Variants in PIEZO2 observed in about 807,000 individuals in gnomAD.
PIEZO2 encodes the protein piezo type mechanosensitive ion channel component 2.
A neutral mutation model predicts 337.3 loss-of-function variants in PIEZO2; 172 were observed. That is an observed-to-expected ratio of 0.51 (90% confidence interval 0.45 to 0.58). The LOEUF is 0.58. PIEZO2 is among the 20% of genes least tolerant of loss of function. PIEZO2 has a pLI of 0.00. For missense variants in PIEZO2, 3,028 were observed against 3,391.3 expected (o/e 0.89, Z 2.66); for synonymous variants, 1,251 against 1,228.5 (o/e 1.02, Z -0.38).
intron 1 of PIEZO2, among the ~76,000 whole-genome samples, chr18:11,117,410 C>T (rs2146179165): frequency 6.6e-6 from 1 of 152,228 alleles, no homozygotes; most frequent in East Asian, 1.9e-4. Context: ...GCCTTTGGGA[C>T]CCTCAACATG....
chr18:10,901,278 A>G (rs76439699), intron 4 of PIEZO2, among the ~76,000 whole-genome samples: 1 of 152,274 alleles, frequency 6.6e-6, no homozygotes, highest in African/African-American at 2.4e-5. Flanking sequence ...AAATACTTCC[A>G]CCATCAGAGA....
chr18:10,725,093 A>G (rs2036478112), intron 36 of PIEZO2: 1 of 1,499,448 alleles, frequency 6.7e-7, no homozygotes, highest in Admixed American at 1.7e-5. Flanking sequence ...TTTCAGTCGC[A>G]TTACACCTAC....
rs1051933303 is a variant in PIEZO2, at chr18:11,080,616, C to T, written c.65-14394G>A. On this transcript the variant is annotated intron_variant, in intron 1 of 55. Transcript: ENST00000674853. This position sits in a 1 kb window ranked among gnomAD's most constrained non-coding sequence, Gnocchi z 5.4. ...ATCCCAGCACTTTGGGAGACCGAGG[C>T]GGGCAGATCATGAGGTCAGGAGATC... is the stretch of plus-strand genomic sequence containing the variant. Among the ~76,000 whole-genome samples the T allele has an allele frequency of 7.2e-5, 11 of 152,214 alleles. No homozygotes were observed. Among genetic ancestry groups the T allele is most frequent in the African/African-American group, 1.9e-4 (8 of 41,456 alleles).
Position 10,671,366 on chromosome 18 carries a change from G to A in PIEZO2, c.*161C>T. The A allele has an allele frequency of 2.9e-6, 2 of 700,088 alleles. No individual in the cohort carries two copies. The highest frequency in any genetic ancestry group is 5.8e-5 in the East Asian group (2 of 34,326). The allele number at this position is 700,088 out of a possible 1,614,324, so 43.4% of individuals were successfully genotyped here. A position where few individuals can be genotyped will look rare whatever the true frequency, so the allele number is the denominator to read the frequency against. ...TTTTCAACAGTGCCTTAACTTGCAA[G>A]GTAGCTTTTACTGCAGAAGGATATC... On this transcript the variant is annotated 3_prime_UTR_variant, in exon 56 of 56. Transcript: ENST00000674853.
chr18:10,752,694 T>C lies in PIEZO2; in HGVS notation c.4109A>G (p.Tyr1370Cys). 5 of 1,537,226 alleles carry C rather than the reference T, an allele frequency of 3.3e-6. No homozygotes were observed. The highest frequency in any genetic ancestry group is 3.5e-6 in the Non-Finnish European group (4 of 1,146,898). ...LLKPIKSILR[Y>C]WDWLIAYNVF... ...GTTGTATGCGATCAGCCAGTCCCAG[T>C]AGCGCAGGATGCTCTTGATGGGTTT... The change falls in exon 28 of 56, where the codon TAC (tyrosine) becomes TGC (cysteine). Residue 1370 changes from tyrosine (Y) to cysteine (C), a missense_variant. Physicochemically the swap from Tyr to Cys is radical, Grantham distance 194. Around this residue, in one of 5 missense-constraint regions of PIEZO2, gnomAD observed 1,925 missense variants for 2,051.9 expected, o/e 0.94. Transcript: ENST00000674853.
intron 3 of PIEZO2, among the ~76,000 whole-genome samples, chr18:10,956,610 T>C (rs775307439): frequency 1.2e-4 from 18 of 152,210 alleles, no homozygotes; most frequent in Non-Finnish European, 2.1e-4. Flanking sequence ...CCTGGAGGCA[T>C]CACATTCCTT....
At chr18:10,720,234 G>GAGTATATATATATATATATATATA in intron 36 of PIEZO2, among the ~76,000 whole-genome samples, 2 of 119,914 alleles carry the variant, frequency 1.7e-5, no homozygotes, top group African/African-American at 6.7e-5. Context: ...GTGTGTGTGT[G>GAGTATATATATATATATATATATA]TATATATATA....
chr18:10,747,905 T>C (rs920070886), intron 30 of PIEZO2, among the ~76,000 whole-genome samples: 1 of 152,280 alleles, frequency 6.6e-6, no homozygotes, highest in Admixed American at 6.5e-5. Flanking sequence ...GAGAGGAACA[T>C]ACACAGCAGC....
chr18:10,677,901 T>C lies in PIEZO2; in HGVS notation c.7953-26A>G. On this transcript the variant is annotated intron_variant, in intron 52 of 55. Coordinates refer to ENST00000674853, the MANE Select transcript of PIEZO2 (RefSeq NM_001378183.1). This position sits in a 1 kb window ranked among gnomAD's most constrained non-coding sequence, Gnocchi z 4.1. ...CTGTGAAGAAAAAAAAAAAGCTTAA[T>C]GTCAGTGATTATTCAGAAGTCTGGA... 1 of 1,552,164 alleles carries C rather than the reference T, an allele frequency of 6.4e-7. No individual in the cohort carries two copies. Among genetic ancestry groups the C allele is most frequent in the Non-Finnish European group, 8.7e-7 (1 of 1,155,244 alleles).
At chr18:10,738,158 A>C (rs2037082273) in intron 33 of PIEZO2, 1 of 152,230 alleles carries the variant, frequency 6.6e-6, no homozygotes, top group Non-Finnish European at 1.5e-5. Context: ...GAACAAACCA[A>C]AGTTACAGCA....
At chr18:10,840,417 T>A (rs1011426683) in intron 7 of PIEZO2, among the ~76,000 whole-genome samples, 1 of 152,178 alleles carries the variant, frequency 6.6e-6, no homozygotes, top group Non-Finnish European at 1.5e-5. Context: ...ATCCAGTAAA[T>A]CATGAGAATG....
chr18:10,730,542 C>T (rs945643594), intron 36 of PIEZO2, among the ~76,000 whole-genome samples: 3 of 135,458 alleles, frequency 2.2e-5, no homozygotes, highest in African/African-American at 6.0e-5. Context: ...ACTTCAACTT[C>T]GCTTTTGATT....
chr18:10,936,784 G>T (rs1219434013), intron 3 of PIEZO2, among the ~76,000 whole-genome samples: 1 of 152,200 alleles, frequency 6.6e-6, no homozygotes, highest in Non-Finnish European at 1.5e-5. Flanking sequence ...AATTTTGCTG[G>T]GTTCTGTTTT....
intron 7 of PIEZO2, among the ~76,000 whole-genome samples, chr18:10,852,383 T>A (rs1469496262): frequency 6.6e-6 from 1 of 152,144 alleles, no homozygotes; most frequent in Non-Finnish European, 1.5e-5. Flanking sequence ...GATGCTTGTG[T>A]CCAGCACCAA....
chr18:10,789,423 T>G, intron 14 of PIEZO2, 58 bp from the exon 15 acceptor site: 1 of 1,480,294 alleles, frequency 6.8e-7, no homozygotes, highest in Non-Finnish European at 8.9e-7. Context: ...GACCACACTT[T>G]GACCATGTGA....
intron 7 of PIEZO2, among the ~76,000 whole-genome samples, chr18:10,843,993 C>G (rs551261022): frequency 2.6e-5 from 4 of 152,182 alleles, no homozygotes; most frequent in Non-Finnish European, 4.4e-5. Flanking sequence ...CATAAACATT[C>G]CAGGAAGGCT....
At chr18:10,763,332 A>G in intron 21 of PIEZO2, 1 of 535,686 alleles carries the variant, frequency 1.9e-6, no homozygotes, top group Non-Finnish European at 3.3e-6. Flanking sequence ...GGTGACATCA[A>G]TATCATGTAG....
At chr18:10,909,557 C>T (rs2030274837) in intron 4 of PIEZO2, among the ~76,000 whole-genome samples, 1 of 152,022 alleles carries the variant, frequency 6.6e-6, no homozygotes, top group Non-Finnish European at 1.5e-5. Context: ...CCATTTGTTT[C>T]AGAGATGCAT....
chr18:11,026,394 C>G (rs895846356), intron 2 of PIEZO2, among the ~76,000 whole-genome samples: 2 of 152,150 alleles, frequency 1.3e-5, no homozygotes, highest in East Asian at 1.9e-4. Flanking sequence ...CAAAGTTAGC[C>G]GTCTGCACCC....
Sources: allele counts gnomAD v4.1 joint callset (sites outside exome capture counted in the v4.1 genomes callset), GRCh38; gene constraint gnomAD v4.1.1; regional missense constraint gnomAD v4.1.1; non-coding constraint Gnocchi (gnomAD v3.1); transcripts MANE v1.5; gene names NCBI Gene and HGNC (gene_info 2026-07-23, HGNC 2026-07-21).